RAB37: variants seen among roughly 807,000 people sequenced by gnomAD.
The protein encoded by RAB37 is ras-related protein Rab-37.
Under a neutral mutation model 33.1 loss-of-function variants are expected in RAB37, and 29 were observed. The observed-to-expected ratio is 0.88, with a 90% CI of 0.65 to 1.20. The LOEUF (loss-of-function observed/expected upper bound fraction) is 1.20, where lower values mean the gene tolerates loss of function less well. Among genes scored for constraint, RAB37 ranks in the 50% most tolerant of loss-of-function variants. RAB37 has a pLI of 0.00. For synonymous variants in RAB37, 128 were observed against 119.5 expected, an observed-to-expected ratio of 1.07 and a Z score of -0.47; for missense variants, 299 against 301.1, an observed-to-expected ratio of 0.99 and a Z score of 0.05.
chr17:74,703,806 GC>G (rs2033273898), intron 1 of RAB37, among the ~76,000 whole-genome samples: 1 of 152,188 alleles, frequency 6.6e-6, no homozygotes, highest in South Asian at 2.1e-4. Context: ...AGCAGAACAA[GC>G]CCAACAAATA....
At chr17:74,713,054 C>G in intron 1 of RAB37, 1 of 594,950 alleles carries the variant, frequency 1.7e-6, no homozygotes, top group South Asian at 2.0e-5. Flanking sequence ...GGCCTGTAAT[C>G]CTGGCACTTT....
intron 3 of RAB37, 34 bp from the exon 4 acceptor site, chr17:74,743,095 C>T (rs200601441): frequency 1.2e-6 from 2 of 1,600,750 alleles, no homozygotes; most frequent in Non-Finnish European, 1.7e-6. Context: ...CACCTGCCTC[C>T]TTCTGACCAT....
chr17:74,695,683 C>A (rs1486817038), intron 1 of RAB37: 2 of 1,612,526 alleles, frequency 1.2e-6, no homozygotes, highest in Non-Finnish European at 1.7e-6. Flanking sequence ...AGGCCTGTGT[C>A]CCCCTGCCCC....
At position 74,745,654 on chromosome 17, in the gene RAB37, G is replaced by C. The variant is rs2034743753; in HGVS notation, c.*243G>C. The C allele has an allele frequency of 2.5e-6, 1 of 406,712 alleles. No homozygotes were observed. The highest frequency in any genetic ancestry group is 4.4e-6 in the Non-Finnish European group (1 of 227,524). The allele number at this position is 406,712 out of a possible 1,614,324, so 25.2% of individuals were successfully genotyped here. A position where few individuals can be genotyped will look rare whatever the true frequency, so the allele number is the denominator to read the frequency against. On this transcript the variant is annotated 3_prime_UTR_variant, in exon 9 of 9. Transcript: ENST00000392613. This position sits in a 1 kb window ranked among gnomAD's most constrained non-coding sequence, Gnocchi z 4.5. ...TAGTACATAATTTAATACCAAAAAA[G>C]GCGCCTGGATCCCCAAAAAACCGAG...
At chr17:74,683,241 G>A in intron 1 of RAB37, among the ~76,000 whole-genome samples, 1 of 152,222 alleles carries the variant, frequency 6.6e-6, no homozygotes. Context: ...CTATGGGTGG[G>A]AGTAGAATTT....
Position 74,742,516 on chromosome 17 carries a change from T to A in RAB37, c.246+221T>A, listed in dbSNP as rs1326179191. ...AGCTCCAAATGCCTTCAGACAAGCTTAGCCTCCATCCATCTCCTCCCCAGT... is the reference window on the plus strand; with the variant it reads ...AGCTCCAAATGCCTTCAGACAAGCTAAGCCTCCATCCATCTCCTCCCCAGT... On this transcript the variant is annotated intron_variant, in intron 3 of 8. Coordinates refer to ENST00000392613, the MANE Select transcript of RAB37 (RefSeq NM_001006638.3). The surrounding 1 kb of genome is among the most constrained non-coding windows in gnomAD (Gnocchi z 4.0). 6.6e-6 allele frequency among the ~76,000 whole-genome samples: 1 copy of A among 152,204 alleles called. No homozygotes were observed. Among genetic ancestry groups the A allele is most frequent in the South Asian group, 2.1e-4 (1 of 4,832 alleles).
rs114941445 is a variant in RAB37 at position 74,688,020 on chromosome 17, A to G, written c.72+16362A>G. 4.3e-3 allele frequency among the ~76,000 whole-genome samples: 648 copies of G among 152,356 alleles called. 8 individuals carry two copies. The highest frequency in any genetic ancestry group is 0.015 in the African/African-American group (613 of 41,578). ...TTATGGTGACAATGGATTGTTGAATAGAAACTTTGTTAAGCAACCCCTCAC... is the reference window on the plus strand; with the variant it reads ...TTATGGTGACAATGGATTGTTGAATGGAAACTTTGTTAAGCAACCCCTCAC... On this transcript the variant is annotated intron_variant, in intron 1 of 7. Coordinates refer to the RAB37 transcript ENST00000340415.
chr17:74,679,572 T>G (rs530770992), intron 1 of RAB37, among the ~76,000 whole-genome samples: 2 of 152,224 alleles, frequency 1.3e-5, no homozygotes, highest in Admixed American at 6.5e-5. Flanking sequence ...TGCAGCACTT[T>G]ACAGTTTGCG....
chr17:74,717,642 G>T (rs1052302780), intron 1 of RAB37, among the ~76,000 whole-genome samples: 2 of 151,456 alleles, frequency 1.3e-5, no homozygotes, highest in African/African-American at 4.9e-5. Context: ...GAGAAACCCC[G>T]TCTCTACTGA....
In RAB37 at chr17:74,745,558, C is replaced by A; in HGVS notation, c.*147C>A. The A allele has an allele frequency of 1.6e-6, 1 of 640,706 alleles. No individual in the cohort carries two copies. Among genetic ancestry groups the A allele is most frequent in the Non-Finnish European group, 2.8e-6 (1 of 360,324 alleles). The allele number at this position is 640,706 out of a possible 1,614,324, so 39.7% of individuals were successfully genotyped here. ...CGCTTCCTAGCAGGGAGCTATACTC[C>A]AACTCCTACTTGAGTTCCTGCGGTC... On this transcript the variant is annotated 3_prime_UTR_variant, in exon 9 of 9. Coordinates refer to ENST00000392613, the MANE Select transcript of RAB37 (RefSeq NM_001006638.3). The surrounding 1 kb of genome is among the most constrained non-coding windows in gnomAD (Gnocchi z 4.5).
At position 74,710,305 on chromosome 17, in the gene RAB37, G is replaced by A. The variant is rs577509225; in HGVS notation, c.73-18951G>A. Among the ~76,000 whole-genome samples the A allele has an allele frequency of 1.3e-4, 19 of 151,762 alleles. No individual in the cohort carries two copies. In the South Asian group the frequency reaches 3.6e-3, roughly 28 times the overall value. ...ATTCTAATCAATATAGGAAGATAAG[G>A]AAAAACATAAAATGTATAATTATCA... On this transcript the variant is annotated intron_variant, in intron 1 of 7. Coordinates refer to the RAB37 transcript ENST00000340415.
At position 74,671,483 on chromosome 17, in the gene RAB37, A is replaced by T; in HGVS notation, c.-104A>T. ...AAAACGGATGCGGCCCGGCCCGCAGAGCTCAGACCCAAGCCTGCCGCACCC... is the reference window on the plus strand; with the variant it reads ...AAAACGGATGCGGCCCGGCCCGCAGTGCTCAGACCCAAGCCTGCCGCACCC... On this transcript the variant is annotated 5_prime_UTR_variant, in exon 1 of 8. Transcript: ENST00000340415. This position sits in a 1 kb window ranked among gnomAD's most constrained non-coding sequence, Gnocchi z 5.0. 9.3e-7 allele frequency: 1 copy of T among 1,079,070 alleles called. No homozygotes were observed. Among genetic ancestry groups the T allele is most frequent in the East Asian group, 2.4e-5 (1 of 40,870 alleles). The allele number at this position is 1,079,070 out of a possible 1,614,324, so 66.8% of individuals were successfully genotyped here.
chr17:74,736,768 G>A (rs756393705), upstream of RAB37: 13 of 1,535,670 alleles, frequency 8.5e-6, no homozygotes, highest in South Asian at 1.3e-4. Flanking sequence ...ATATTCAGAT[G>A]AGCTCGGGCC....
Position 74,744,242 on chromosome 17 carries a change from C to A in RAB37, c.367-66C>A. ...TAGTGAGTAACTGAGGATAGTCAAA[C>A]GGAGCAGAAGAAGAAAGGGGCAGCA... On this transcript the variant is annotated intron_variant, in intron 5 of 8. Coordinates refer to ENST00000392613, the MANE Select transcript of RAB37 (RefSeq NM_001006638.3). The surrounding 1 kb of genome is among the most constrained non-coding windows in gnomAD (Gnocchi z 4.2). The A allele has an allele frequency of 2.0e-6, 3 of 1,467,402 alleles. No homozygotes were observed. Among genetic ancestry groups the A allele is most frequent in the Non-Finnish European group, 1.9e-6 (2 of 1,060,774 alleles). The allele number at this position is 1,467,402 out of a possible 1,614,324, so 90.9% of individuals were successfully genotyped here.
At chr17:74,703,222 CTG>C in intron 1 of RAB37, 1 of 1,203,354 alleles carries the variant, frequency 8.3e-7, no homozygotes, top group Non-Finnish European at 1.2e-6. Context: ...GCACACAGCT[CTG>C]AGCCTGGGCG....
intron 1 of RAB37, among the ~76,000 whole-genome samples, chr17:74,678,139 A>C (rs1314001700): frequency 1.3e-5 from 2 of 152,170 alleles, no homozygotes; most frequent in Admixed American, 1.3e-4. Context: ...CAGGCAAGAG[A>C]AACAGTCTGT....
chr17:74,727,029 A>G (rs948622766), intron 1 of RAB37, among the ~76,000 whole-genome samples: 2 of 152,174 alleles, frequency 1.3e-5, no homozygotes, highest in Admixed American at 6.5e-5. Flanking sequence ...TCTTTCAAAC[A>G]TTTCATCTGA....
At chr17:74,720,716 G>A (rs2034227851) in intron 1 of RAB37, among the ~76,000 whole-genome samples, 1 of 152,192 alleles carries the variant, frequency 6.6e-6, no homozygotes, top group Admixed American at 6.5e-5. Context: ...TGCCCTCTTG[G>A]TACAGAGTTA....
chr17:74,733,923 C>G (rs2034429113), upstream of RAB37, among the ~76,000 whole-genome samples: 1 of 152,120 alleles, frequency 6.6e-6, no homozygotes. Flanking sequence ...CAGCCCCTCT[C>G]CCCATGTTCA....
Sources: allele counts gnomAD v4.1 joint callset (sites outside exome capture counted in the v4.1 genomes callset), GRCh38; gene constraint gnomAD v4.1.1; non-coding constraint Gnocchi (gnomAD v3.1); transcripts MANE v1.5; gene names NCBI Gene and HGNC (gene_info 2026-07-23, HGNC 2026-07-21).